The following ZNF142 variants were observed in gnomAD, a reference collection of about 807,000 sequenced individuals.
The protein encoded by ZNF142 is zinc finger protein 142.
In ZNF142, 96 loss-of-function variants were observed where a neutral mutation model predicts 132.1. The ratio of observed to expected loss-of-function variants is 0.73; its 90% CI spans 0.62 to 0.86. ZNF142 has a LOEUF of 0.86. ZNF142 is among the 40% of genes least tolerant of loss of function. ZNF142 has a pLI of 0.00. For synonymous variants in ZNF142, 842 were observed against 890.1 expected (o/e 0.95, Z 0.96); for missense variants, 2,163 against 2,336.2 (o/e 0.93, Z 1.53).
chr2:218,649,560 C>G, intron 6 of ZNF142, 101 bp from the exon 7 acceptor site: 1 of 1,145,272 alleles, frequency 8.7e-7, no homozygotes, highest in Non-Finnish European at 1.2e-6. Flanking sequence ...GATGTGTGGC[C>G]TCTCTGCAGG....
intron 10 of ZNF142, among the ~76,000 whole-genome samples, chr2:218,639,156 A>G (rs1696964477): frequency 6.6e-6 from 1 of 152,200 alleles, no homozygotes; most frequent in African/African-American, 2.4e-5. Flanking sequence ...TTTTTAGTGA[A>G]GACAGGGTTT....
intron 3 of ZNF142, among the ~76,000 whole-genome samples, chr2:218,658,016 A>T (rs1244211778): frequency 6.6e-6 from 1 of 152,230 alleles, no homozygotes; most frequent in Non-Finnish European, 1.5e-5. Flanking sequence ...GTACAAAACC[A>T]GTGGTTCCTC....
chr2:218,653,232 A>G (rs866854958), intron 4 of ZNF142, among the ~76,000 whole-genome samples: 9 of 147,786 alleles, frequency 6.1e-5, no homozygotes, highest in Non-Finnish European at 1.0e-4. Flanking sequence ...GTGAGCCGAG[A>G]TTGCCCACTG....
chr2:218,640,737 C>T lies in ZNF142; in HGVS notation c.5121G>A (p.Lys1707=), dbSNP rs1697113080. The part of the protein sequence containing the change: ...YHMRIHKEER[K]YLCPECGYKC... ...TGTAGCCACACTCAGGGCACAGGTA[C>T]TTCCGTTCCTCCTTGTGGATCCGCA... Residue 1707 remains lysine, a synonymous_variant, in exon 10 of 11, where the codon AAG becomes AAA. Coordinates refer to ENST00000411696, the MANE Select transcript of ZNF142 (RefSeq NM_001379659.1). The T allele has an allele frequency of 6.2e-7, 1 of 1,614,198 alleles. No homozygotes were observed. Among genetic ancestry groups the T allele is most frequent in the Non-Finnish European group, 8.5e-7 (1 of 1,180,044 alleles).
chr2:218,648,319 G>T (rs1217088462), intron 7 of ZNF142, among the ~76,000 whole-genome samples: 4 of 152,228 alleles, frequency 2.6e-5, no homozygotes, highest in Non-Finnish European at 4.4e-5. Flanking sequence ...TCCTGGTTTA[G>T]GTTTCTTCAG....
chr2:218,657,531 C>A (rs535672151), intron 3 of ZNF142, among the ~76,000 whole-genome samples: 1 of 152,228 alleles, frequency 6.6e-6, no homozygotes, highest in East Asian at 1.9e-4. Context: ...TGGGTTCAAG[C>A]GATTCTCCTG....
Position 218,651,879 on chromosome 2 carries a change from G to A in ZNF142, c.702C>T (p.Phe234=), listed in dbSNP as rs147917851. ...GCAGCTCCATGCCCTGCTGGCTCCC[G>A]AAAAGCAGGGGGCAGCCCCGGAAAG... is the stretch of plus-strand genomic sequence containing the variant. ...PCSFRGCPLL[F]GSQQGMELHR... The change falls in exon 5 of 11, where the codon TTC becomes TTT. Residue 234 remains phenylalanine, a synonymous_variant. Transcript: ENST00000411696. The A allele has an allele frequency of 9.8e-4, 1,265 of 1,289,744 alleles. 2 individuals are homozygous for A. The highest frequency in any genetic ancestry group is 2.0e-3 in the East Asian group (36 of 18,030). The allele number at this position is 1,289,744 out of a possible 1,614,324, so 79.9% of individuals were successfully genotyped here. A position where few individuals can be genotyped will look rare whatever the true frequency, so the allele number is the denominator to read the frequency against.
intron 8 of ZNF142, among the ~76,000 whole-genome samples, chr2:218,645,551 T>A (rs1697658805): frequency 6.6e-6 from 1 of 152,142 alleles, no homozygotes; most frequent in Non-Finnish European, 1.5e-5. Context: ...GATTGGGGCA[T>A]GAATATAGTG....
At position 218,637,051 on chromosome 2, in the gene ZNF142, T is replaced by A. The variant is rs1696805454; in HGVS notation, c.*1288A>T. ...AGGCTCAAGGCTTCCCCAGCAAAGA[T>A]TAGGGAAAGAGACTTGACCCCAGGA... On this transcript the variant is annotated 3_prime_UTR_variant, in exon 11 of 11. Transcript: ENST00000411696. 7 of 394,648 alleles carry A rather than the reference T, an allele frequency of 1.8e-5. No homozygotes were observed. The highest frequency in any genetic ancestry group is 1.4e-4 in the South Asian group (7 of 51,678). 24.4% of individuals were successfully genotyped at this position (394,648 alleles called of 1,614,324 possible).
Position 218,651,863 on chromosome 2 carries a change from TG to T in ZNF142, c.717del (p.Met240TrpfsTer19), listed in dbSNP as rs1559302042. ...TAATGCGCCTGCCGGTGCAGCTCCA[TG>T]CCCTGCTGGCTCCCGAAAAGCAGGG... is the stretch of plus-strand genomic sequence containing the variant. The part of the protein sequence containing the change: ...GCPLLFGSQQ[G>X]MELHRQAHYP... On this transcript the variant is annotated frameshift_variant, in exon 5 of 11. Coordinates refer to ENST00000411696, the MANE Select transcript of ZNF142 (RefSeq NM_001379659.1). LOFTEE classifies it high-confidence loss of function. 7.8e-7 allele frequency: 1 copy of T among 1,289,904 alleles called. No individual in the cohort carries two copies. Among genetic ancestry groups the T allele is most frequent in the Admixed American group, 2.3e-5 (1 of 43,578 alleles). 79.9% of individuals were successfully genotyped at this position (1,289,904 alleles called of 1,614,324 possible).
Position 218,635,920 on chromosome 2 carries a change from T to A in ZNF142, c.*2419A>T. 6.2e-7 allele frequency: 1 copy of A among 1,613,988 alleles called. No individual in the cohort carries two copies. Among genetic ancestry groups the A allele is most frequent in the Non-Finnish European group, 8.5e-7 (1 of 1,179,884 alleles). On this transcript the variant is annotated 3_prime_UTR_variant, in exon 11 of 11. Transcript: ENST00000411696. ...ACAGCACGGCAGGAGACCAACTATG[T>A]GGAGAACAATGGTGAGAAACTGGCA...
Position 218,651,779 on chromosome 2 carries a change from G to A in ZNF142, c.802C>T (p.His268Tyr). 7.8e-7 allele frequency: 1 copy of A among 1,289,878 alleles called. No homozygotes were observed. Among genetic ancestry groups the A allele is most frequent in the South Asian group, 1.2e-5 (1 of 81,038 alleles). The allele number at this position is 1,289,878 out of a possible 1,614,324, so 79.9% of individuals were successfully genotyped here. Reference protein sequence around the residue: ...IGSNVKLFRQHQRSHGAGTQG... With the variant: ...IGSNVKLFRQYQRSHGAGTQG... ...GTCCCAGCACCATGGCTCCGCTGAT[G>A]CTGCCGGAAGAGTTTGACGTTGGAG... The change falls in exon 5 of 11, where the codon CAT becomes TAT. Residue 268 changes from histidine to tyrosine, a missense_variant. His to Tyr is a moderately conservative substitution (Grantham distance 83). Transcript: ENST00000411696.
Position 218,633,537 on chromosome 2 carries a change from T to G in ZNF142, c.*4802A>C, listed in dbSNP as rs1696515608. 1 of 1,542,362 alleles carries G rather than the reference T, an allele frequency of 6.5e-7. No individual in the cohort carries two copies. Among genetic ancestry groups the G allele is most frequent in the East Asian group, 2.2e-5 (1 of 44,540 alleles). On this transcript the variant is annotated 3_prime_UTR_variant, in exon 11 of 11. Coordinates refer to ENST00000411696, the MANE Select transcript of ZNF142 (RefSeq NM_001379659.1). The stretch of plus-strand genomic sequence containing the variant: ...GCAGTGGGCAGAGGTTTAGGTTGGA[T>G]GGCCATTATCTTCTTCTCTCTCAGA...
chr2:218,656,622 TGATAATGTTCA>T (rs979054055), intron 3 of ZNF142, among the ~76,000 whole-genome samples, 159 bp from the exon 4 acceptor site: 1 of 152,202 alleles, frequency 6.6e-6, no homozygotes, highest in Admixed American at 6.5e-5. Flanking sequence ...CTTTCTTTTA[TGATAATGTTCA>T]GAACAAAAAG....
In ZNF142 at chr2:218,649,234, T is replaced by C. The variant is rs943559206; in HGVS notation, c.1274A>G (p.His425Arg). 3 of 1,614,056 alleles carry C rather than the reference T, an allele frequency of 1.9e-6. No individual in the cohort carries two copies. Among genetic ancestry groups the C allele is most frequent in the South Asian group, 2.2e-5 (2 of 91,090 alleles). ...GEKAHHCPLC[H>R]YSAVERNALN... ...TGCATTCCTCTCCACCGCACTGTAGTGGCACAGTGGGCAGTGGTGGGCCTT... is the reference window on the plus strand; with the variant it reads ...TGCATTCCTCTCCACCGCACTGTAGCGGCACAGTGGGCAGTGGTGGGCCTT... The change falls in exon 7 of 11, where the codon CAC becomes CGC. Residue 425 changes from histidine (H) to arginine (R), a missense_variant. This residue lies in a region of ZNF142 where 749 missense variants were observed against 830.3 expected (regional missense o/e 0.90). Transcript: ENST00000411696.
chr2:218,652,686 G>T (rs544810429), intron 4 of ZNF142, among the ~76,000 whole-genome samples: 3 of 152,192 alleles, frequency 2.0e-5, no homozygotes, highest in African/African-American at 7.2e-5. Context: ...TTCAAATTCT[G>T]TAAAGAGCTT....
In ZNF142 at chr2:218,642,506, C is replaced by A; in HGVS notation, c.4610G>T (p.Cys1537Phe). 1 of 1,606,644 alleles carries A rather than the reference C, an allele frequency of 6.2e-7. No individual in the cohort carries two copies. The change falls in exon 9 of 11, where the codon TGC becomes TTC. Residue 1537 changes from cysteine to phenylalanine, a missense_variant. Transcript: ENST00000411696. This position sits in a 1 kb window ranked among gnomAD's most constrained non-coding sequence, Gnocchi z 4.6. ...PLHCSRCGLL[C>F]PSPASLRGHT... ...TCCTCGTAAGCTGGCAGGGCTGGGG[C>A]ACAGCAACCCACAGCGGGAACAGTG...
chr2:218,645,245 T>A (rs1234856440), intron 8 of ZNF142, among the ~76,000 whole-genome samples, 181 bp from the exon 9 acceptor site: 1 of 152,186 alleles, frequency 6.6e-6, no homozygotes, highest in East Asian at 1.9e-4. Context: ...TGAGAAAAAC[T>A]AAATCACAGA....
chr2:218,648,106 G>A (rs1274306865), intron 7 of ZNF142, among the ~76,000 whole-genome samples: 3 of 150,762 alleles, frequency 2.0e-5, no homozygotes, highest in Non-Finnish European at 3.0e-5. Flanking sequence ...GCTTGGTTTG[G>A]TTGTTACCTA....
Sources: allele counts gnomAD v4.1 joint callset (sites outside exome capture counted in the v4.1 genomes callset), GRCh38; gene constraint gnomAD v4.1.1; regional missense constraint gnomAD v4.1.1; non-coding constraint Gnocchi (gnomAD v3.1); transcripts MANE v1.5; gene names NCBI Gene and HGNC (gene_info 2026-07-23, HGNC 2026-07-21).